Variants in NDST3 observed in about 807,000 individuals in gnomAD.
The protein encoded by NDST3 is N-deacetylase and N-sulfotransferase 3, also known as bifunctional heparan sulfate N-deacetylase/N-sulfotransferase 3.
In NDST3, 58 loss-of-function variants were observed where a neutral mutation model predicts 96.1. The ratio of observed to expected loss-of-function variants is 0.60; its 90% CI spans 0.49 to 0.75. NDST3 has a LOEUF of 0.75. Ranked by LOEUF, NDST3 falls within the 30% of genes least tolerant of loss-of-function variation. The pLI is 0.00. For synonymous variants in NDST3, 333 were observed against 359.7 expected (o/e 0.93, Z 0.84); for missense variants, 788 against 1,034.2 (o/e 0.76, Z 3.27).
At chr4:118,068,622 G>C (rs1472786519) in intron 2 of NDST3, among the ~76,000 whole-genome samples, 1 of 152,028 alleles carries the variant, frequency 6.6e-6, no homozygotes, top group Non-Finnish European at 1.5e-5. Context: ...AGATCAGGGG[G>C]AAGTGAGGGG....
intron 6 of NDST3, among the ~76,000 whole-genome samples, chr4:118,220,656 C>A (rs1490160959): frequency 6.6e-6 from 1 of 151,750 alleles, no homozygotes; most frequent in East Asian, 1.9e-4. Flanking sequence ...AATTAGGAGC[C>A]AAATTCACAT....
At chr4:118,240,473 T>C in intron 10 of NDST3, 51 bp from the exon 11 acceptor site, 1 of 1,427,800 alleles carries the variant, frequency 7.0e-7, no homozygotes, top group Non-Finnish European at 9.3e-7. Context: ...GATTTTTAAT[T>C]ATTTATGCCT....
chr4:118,033,551 C>T (rs1353770609), upstream of NDST3: 7 of 151,818 alleles, frequency 4.6e-5, no homozygotes, highest in Non-Finnish European at 8.8e-5. Flanking sequence ...CGCTCCCTCC[C>T]CTTCCCCGGG....
At position 118,207,969 on chromosome 4, in the gene NDST3, G is replaced by C. The variant is rs13109168; in HGVS notation, c.1540-16522G>C. On this transcript the variant is annotated intron_variant, in intron 6 of 13. Coordinates refer to ENST00000296499, the MANE Select transcript of NDST3 (RefSeq NM_004784.3). ...CTGGGTACTTACTATTATGTGGAAGGGTTAACATTTTTAGAAAGGAAACAT... is the reference window on the plus strand; with the variant it reads ...CTGGGTACTTACTATTATGTGGAAGCGTTAACATTTTTAGAAAGGAAACAT... 8.4e-3 allele frequency among the ~76,000 whole-genome samples: 1,211 copies of C among 143,620 alleles called. 182 individuals carry two copies. The highest frequency in any genetic ancestry group is 0.014 in the Non-Finnish European group (907 of 64,898). The allele number at this position is 143,620 out of a possible 152,430, so 94.2% of individuals were successfully genotyped here.
intron 4 of NDST3, among the ~76,000 whole-genome samples, chr4:118,134,805 T>C (rs1045944179): frequency 6.6e-6 from 1 of 152,208 alleles, no homozygotes; most frequent in Non-Finnish European, 1.5e-5. Flanking sequence ...CCTCAGTGTT[T>C]TTGAACCATG....
At chr4:118,210,648 C>T (rs1433145088) in intron 6 of NDST3, among the ~76,000 whole-genome samples, 2 of 151,876 alleles carry the variant, frequency 1.3e-5, no homozygotes, top group Admixed American at 1.3e-4. Flanking sequence ...TGGTGGCACG[C>T]TCCTGTAGTC....
chr4:118,113,273 C>T (rs759935716), intron 3 of NDST3, among the ~76,000 whole-genome samples: 15 of 151,988 alleles, frequency 9.9e-5, no homozygotes, highest in Non-Finnish European at 1.9e-4. Context: ...ACTTGTTCTA[C>T]TATACAATGG....
chr4:118,116,579 T>C (rs929242445), intron 4 of NDST3, among the ~76,000 whole-genome samples: 3 of 152,192 alleles, frequency 2.0e-5, no homozygotes, highest in Non-Finnish European at 2.9e-5. Flanking sequence ...ATACTTAGGC[T>C]GGGTGCAGTG....
intron 6 of NDST3, among the ~76,000 whole-genome samples, chr4:118,163,338 C>T: frequency 6.6e-6 from 1 of 152,194 alleles, no homozygotes; most frequent in Non-Finnish European, 1.5e-5. Context: ...ATAGCAAAGA[C>T]TTGGAACCAA....
At chr4:118,189,974 C>T (rs545732907) in intron 6 of NDST3, among the ~76,000 whole-genome samples, 125 of 151,934 alleles carry the variant, frequency 8.2e-4, no homozygotes, top group African/African-American at 2.9e-3. Flanking sequence ...TGTAATTTTG[C>T]CTATTTTTTA....
At chr4:118,110,050 A>G (rs1035472086) in intron 3 of NDST3, among the ~76,000 whole-genome samples, 20 of 152,314 alleles carry the variant, frequency 1.3e-4, no homozygotes, top group Admixed American at 7.8e-4. Context: ...AGATAAGAAC[A>G]TAGAAACTTA....
At chr4:118,229,438 A>G (rs1246403673) in intron 8 of NDST3, among the ~76,000 whole-genome samples, 1 of 152,256 alleles carries the variant, frequency 6.6e-6, no homozygotes, top group Non-Finnish European at 1.5e-5. Flanking sequence ...GTCTATGATT[A>G]TGTAGTTGAG....
intron 2 of NDST3, among the ~76,000 whole-genome samples, chr4:118,072,934 T>C (rs1447670941): frequency 6.6e-6 from 1 of 152,148 alleles, no homozygotes; most frequent in Admixed American, 6.6e-5. Context: ...GTTTTTAACA[T>C]GAAGGAAGTT....
chr4:118,058,811 A>G (rs946439185), intron 2 of NDST3, among the ~76,000 whole-genome samples: 1 of 152,078 alleles, frequency 6.6e-6, no homozygotes, highest in Non-Finnish European at 1.5e-5. Context: ...CTACCATTAA[A>G]GCATTTGTTT....
At chr4:118,224,374 A>G in intron 6 of NDST3, 117 bp from the exon 7 acceptor site, 1 of 794,896 alleles carries the variant, frequency 1.3e-6, no homozygotes, top group Non-Finnish European at 1.9e-6. Context: ...AAAACACGCC[A>G]TCAACTGAAA....
At chr4:118,135,723 T>C (rs1334378836) in intron 4 of NDST3, among the ~76,000 whole-genome samples, 1 of 152,058 alleles carries the variant, frequency 6.6e-6, no homozygotes, top group Non-Finnish European at 1.5e-5. Flanking sequence ...AAATAAAAGA[T>C]GAAACTAAAA....
At chr4:118,111,575 C>T (rs777138925) in intron 3 of NDST3, among the ~76,000 whole-genome samples, 3 of 148,622 alleles carry the variant, frequency 2.0e-5, no homozygotes, top group South Asian at 2.1e-4. Context: ...CTCGCTCTGT[C>T]ACCCAGGCTG....
intron 4 of NDST3, among the ~76,000 whole-genome samples, chr4:118,120,661 A>T (rs1731493056): frequency 6.6e-6 from 1 of 152,158 alleles, no homozygotes; most frequent in Non-Finnish European, 1.5e-5. Context: ...AGAGTCAGCA[A>T]GGCCCAGATA....
Position 118,240,710 on chromosome 4 carries a change from G to A in NDST3, c.2289+16G>A. The A allele has an allele frequency of 1.2e-6, 2 of 1,605,864 alleles. No individual in the cohort carries two copies. The highest frequency in any genetic ancestry group is 1.7e-6 in the Non-Finnish European group (2 of 1,175,522). On this transcript the variant is annotated intron_variant, in intron 11 of 13. Coordinates refer to ENST00000296499, the MANE Select transcript of NDST3 (RefSeq NM_004784.3). ...CCCATTTCAGGTATGGAGTAATAAGGATTTACATCATGTTAGAATCTCATT... is the reference window on the plus strand; with the variant it reads ...CCCATTTCAGGTATGGAGTAATAAGAATTTACATCATGTTAGAATCTCATT...
Sources: allele counts gnomAD v4.1 joint callset (sites outside exome capture counted in the v4.1 genomes callset), GRCh38; gene constraint gnomAD v4.1.1; transcripts MANE v1.5; gene names NCBI Gene and HGNC (gene_info 2026-07-23, HGNC 2026-07-21).